The following THSD7B variants were observed in gnomAD, a reference collection of about 807,000 sequenced individuals.
THSD7B encodes the protein thrombospondin type-1 domain-containing protein 7B.
THSD7B carries 138 observed loss-of-function variants against 213.6 expected under a neutral mutation model. The observed-to-expected ratio is 0.65, with a 90% CI of 0.56 to 0.74. The LOEUF is 0.74. THSD7B is among the 30% of genes least tolerant of loss of function. The probability of loss-of-function intolerance (pLI) is 0.00; values close to 1 mark genes in which losing one functional copy is unlikely to be tolerated. For synonymous variants in THSD7B, 742 were observed against 687.0 expected, an observed-to-expected ratio of 1.08 and a Z score of -1.25; for missense variants, 1,931 against 1,991.5, an observed-to-expected ratio of 0.97 and a Z score of 0.58.
intron 17 of THSD7B, among the ~76,000 whole-genome samples, chr2:137,614,098 A>C (rs1573743838): frequency 1.3e-5 from 2 of 152,260 alleles, no homozygotes; most frequent in Non-Finnish European, 2.9e-5. Flanking sequence ...GAAGAAATTT[A>C]GTAGGGGAGT....
intron 2 of THSD7B, among the ~76,000 whole-genome samples, chr2:136,893,097 C>T (rs977203648): frequency 5.3e-5 from 8 of 152,116 alleles, no homozygotes; most frequent in Non-Finnish European, 7.4e-5. Flanking sequence ...TTCTCATTTA[C>T]GTTTTACCAC....
chr2:137,403,388 AAGG>A (rs1465976931), intron 12 of THSD7B, among the ~76,000 whole-genome samples: 2 of 152,234 alleles, frequency 1.3e-5, no homozygotes, highest in Admixed American at 1.3e-4. Flanking sequence ...GGGCATCTGA[AAGG>A]AGCCCATATG....
Position 137,310,528 on chromosome 2 carries a change from T to G in THSD7B, c.2500+34502T>G, listed in dbSNP as rs527496213. 3.4e-3 allele frequency among the ~76,000 whole-genome samples: 509 copies of G among 151,106 alleles called. 1 individual carries two copies. The highest frequency in any genetic ancestry group is 4.7e-3 in the Admixed American group (71 of 15,160). On this transcript the variant is annotated intron_variant, in intron 12 of 27. Coordinates refer to ENST00000409968, the MANE Select transcript of THSD7B (RefSeq NM_001316349.2). ...GTTTAATGAGATCCCATTTGTCAAT[T>G]TTGGCTTTTGTTGCCATTGCTTTTG...
In THSD7B at chr2:137,394,721, G is replaced by C. The variant is rs990108360; in HGVS notation, c.2501-10892G>C. Among the ~76,000 whole-genome samples the C allele has an allele frequency of 1.4e-5, 2 of 138,070 alleles. 1 individual carries two copies. The highest frequency in any genetic ancestry group is 3.2e-5 in the Non-Finnish European group (2 of 62,794). The allele number at this position is 138,070 out of a possible 152,430, so 90.6% of individuals were successfully genotyped here. A position where few individuals can be genotyped will look rare whatever the true frequency, so the allele number is the denominator to read the frequency against. ...AAGAAAGTCATTGGTAGCTTGATGG[G>C]GATGGCATTGAATCTGTAAATTACC... is the stretch of plus-strand genomic sequence containing the variant. On this transcript the variant is annotated intron_variant, in intron 12 of 27. Transcript: ENST00000409968.
Position 137,443,020 on chromosome 2 carries a change from AGCACTTATTTGCAGTAATGG to A in THSD7B, c.2960-7823_2960-7804del, listed in dbSNP as rs1222962252. Among the ~76,000 whole-genome samples, 11 of 152,302 alleles carry A rather than the reference AGCACTTATTTGCAGTAATGG, an allele frequency of 7.2e-5. 1 individual carries two copies. Among genetic ancestry groups the A allele is most frequent in the African/African-American group, 2.6e-4 (11 of 41,576 alleles). ...AGCATTCAGTCACTTTAATTTTAACAGCACTTATTTGCAGTAATGGGAAAAATAGCTAGTGTACGTACAGT... is the reference window on the plus strand; with the variant it reads ...AGCATTCAGTCACTTTAATTTTAACAGAAAAATAGCTAGTGTACGTACAGT... On this transcript the variant is annotated intron_variant, in intron 14 of 27. Transcript: ENST00000409968.
At chr2:136,916,565 G>T (rs1684351763) in intron 2 of THSD7B, among the ~76,000 whole-genome samples, 1 of 152,184 alleles carries the variant, frequency 6.6e-6, no homozygotes, top group African/African-American at 2.4e-5. Flanking sequence ...AGTTGTTTAG[G>T]ATCTCTAGGA....
chr2:137,550,903 G>T, intron 15 of THSD7B, among the ~76,000 whole-genome samples: 1 of 151,768 alleles, frequency 6.6e-6, no homozygotes, highest in Non-Finnish European at 1.5e-5. Context: ...TTAGTACCTG[G>T]GTAACAAATT....
intron 10 of THSD7B, among the ~76,000 whole-genome samples, chr2:137,266,534 A>G (rs1473286797): frequency 6.6e-6 from 1 of 152,198 alleles, no homozygotes; most frequent in Non-Finnish European, 1.5e-5. Context: ...CCAGGAGTTA[A>G]AAGGTGGTAA....
chr2:137,056,894 C>T lies in THSD7B; in HGVS notation c.614C>T (p.Ala205Val). ...CGKKLQHRTR[A>V]VIAPPLFGGL... ...AAGAAATTGCAGCATAGAACTCGCG[C>T]GGTCATAGCTCCCCCTCTCTTTGGT... Residue 205 changes from alanine (A) to valine (V), a missense_variant, in exon 3 of 28, where the codon GCG becomes GTG. Transcript: ENST00000409968. The T allele has an allele frequency of 6.2e-7, 1 of 1,613,908 alleles. No homozygotes were observed. Among genetic ancestry groups the T allele is most frequent in the Non-Finnish European group, 8.5e-7 (1 of 1,179,872 alleles).
intron 15 of THSD7B, among the ~76,000 whole-genome samples, chr2:137,517,127 G>A (rs999098479): frequency 1.3e-5 from 2 of 152,192 alleles, no homozygotes; most frequent in Non-Finnish European, 2.9e-5. Context: ...CTCTATTCCT[G>A]TCCATAAGGC....
chr2:137,290,545 C>G (rs1020349779), intron 12 of THSD7B, among the ~76,000 whole-genome samples: 1 of 152,084 alleles, frequency 6.6e-6, no homozygotes, highest in African/African-American at 2.4e-5. Context: ...TTGAGCTTCT[C>G]CTTTTGTGAT....
At chr2:137,310,117 CCACCAA>C (rs1683858429) in intron 12 of THSD7B, among the ~76,000 whole-genome samples, 1 of 151,914 alleles carries the variant, frequency 6.6e-6, no homozygotes, top group Non-Finnish European at 1.5e-5. Flanking sequence ...GTTTACAGTC[CCACCAA>C]CAGTGTAATA....
At chr2:137,105,627 A>C (rs529892241) in intron 4 of THSD7B, among the ~76,000 whole-genome samples, 1 of 152,342 alleles carries the variant, frequency 6.6e-6, no homozygotes, top group South Asian at 2.1e-4. Context: ...CTCTGTTTGC[A>C]GATGACATGA....
chr2:137,287,753 T>C (rs1325269908), intron 12 of THSD7B, among the ~76,000 whole-genome samples: 2 of 151,782 alleles, frequency 1.3e-5, no homozygotes, highest in Admixed American at 1.3e-4. Context: ...ATTGATAAAA[T>C]TGATGTTGGA....
intron 12 of THSD7B, among the ~76,000 whole-genome samples, chr2:137,311,607 G>A (rs142986248): frequency 0.06 from 9,080 of 152,120 alleles, 991 homozygotes; most frequent in East Asian, 0.52. Flanking sequence ...AATACTTCCA[G>A]TTTTTGCCCA....
At chr2:137,137,984 G>A (rs193138503) in intron 5 of THSD7B, among the ~76,000 whole-genome samples, 2 of 151,880 alleles carry the variant, frequency 1.3e-5, no homozygotes, top group African/African-American at 4.8e-5. Context: ...CTGCAGCCTC[G>A]ACTTCCCAGG....
At chr2:136,964,099 C>T (rs1404511423) in intron 2 of THSD7B, among the ~76,000 whole-genome samples, 1 of 152,198 alleles carries the variant, frequency 6.6e-6, no homozygotes, top group East Asian at 1.9e-4. Flanking sequence ...TTTGATACCA[C>T]GGGATTCCCA....
intron 5 of THSD7B, among the ~76,000 whole-genome samples, chr2:137,117,034 G>A (rs1688457712): frequency 6.6e-6 from 1 of 152,178 alleles, no homozygotes; most frequent in Non-Finnish European, 1.5e-5. Context: ...ATACATAGAT[G>A]TGTAACACGA....
At chr2:136,886,802 A>G (rs1368777671) in intron 2 of THSD7B, among the ~76,000 whole-genome samples, 3 of 152,176 alleles carry the variant, frequency 2.0e-5, no homozygotes, top group African/African-American at 7.2e-5. Context: ...GCTGGTATAC[A>G]GGGAATATTA....
Sources: gnomAD v4.1 joint callset for allele counts (sites outside exome capture counted in the v4.1 genomes callset) on GRCh38, gnomAD v4.1.1 for gene constraint, MANE v1.5 for transcripts, NCBI Gene and HGNC (gene_info 2026-07-23, HGNC 2026-07-21) for gene names.